The following DMD variants were observed in gnomAD, a reference collection of about 807,000 sequenced individuals.
DMD encodes mutant dystrophin.
DMD carries 63 observed loss-of-function variants against 330.1 expected under a neutral mutation model. That is an observed-to-expected ratio of 0.19 (90% CI 0.16 to 0.24). The LOEUF is 0.24. Among genes scored for constraint, DMD ranks in the 10% least tolerant of loss-of-function variants. The probability of loss-of-function intolerance (pLI) is 1.00; values close to 1 mark genes in which losing one functional copy is unlikely to be tolerated. For missense variants in DMD, 3,344 were observed against 2,684.1 expected (o/e 1.25, Z -5.43); for synonymous variants, 1,223 against 959.8 (o/e 1.27, Z -5.07).
intron 2 of DMD, among the ~76,000 whole-genome samples, chrX:32,915,264 G>A (rs1013862294): frequency 3.6e-5 from 4 of 111,235 alleles, no homozygotes; most frequent in African/African-American, 9.8e-5. Flanking sequence ...TGAGTGGCAC[G>A]AATGCAAGAT....
At position 32,971,486 on chromosome X, in the gene DMD, T is replaced by G. The variant is rs191555734; in HGVS notation, c.93+48653A>C. Among the ~76,000 whole-genome samples the G allele has an allele frequency of 4.4e-4, 49 of 111,331 alleles. No homozygotes were observed. The East Asian group carries it at 0.014, about 31-fold the overall frequency. ...AACCCTTATGGAGTAAAAATAACTT[T>G]ATAGTTTATTGCTGAATGATTTACA... On this transcript the variant is annotated intron_variant, in intron 2 of 78. Transcript: ENST00000357033.
intron 44 of DMD, among the ~76,000 whole-genome samples, chrX:32,076,549 T>A (rs1260360656): frequency 9.2e-6 from 1 of 109,028 alleles, no homozygotes; most frequent in Non-Finnish European, 1.9e-5. Flanking sequence ...CCGGCTAATT[T>A]TTTATATTTT....
chrX:31,360,251 T>C (rs960625222), intron 60 of DMD, among the ~76,000 whole-genome samples: 27 of 111,534 alleles, frequency 2.4e-4, no homozygotes, highest in Admixed American at 1.9e-4. Context: ...TATTTTAAAA[T>C]TGTATTTCTT....
chrX:32,791,811 C>A (rs1249705369), intron 7 of DMD, among the ~76,000 whole-genome samples: 1 of 111,488 alleles, frequency 9.0e-6, no homozygotes, highest in Non-Finnish European at 1.9e-5. Context: ...GTTTAGAAAC[C>A]CTATTTAACA....
chrX:32,078,253 C>T (rs866878792), intron 44 of DMD, among the ~76,000 whole-genome samples: 1 of 111,886 alleles, frequency 8.9e-6, no homozygotes, highest in African/African-American at 3.3e-5. Context: ...AAAGAGTTAA[C>T]ACTGATTTAT....
intron 59 of DMD, among the ~76,000 whole-genome samples, chrX:31,468,030 C>A (rs7067017): frequency 0.12 from 13,075 of 110,767 alleles, 633 homozygotes; most frequent in East Asian, 0.24. Context: ...ATCATTTTTT[C>A]TTGTGTCTGT....
chrX:32,964,936 G>A (rs951129126), intron 2 of DMD, among the ~76,000 whole-genome samples: 5 of 111,683 alleles, frequency 4.5e-5, no homozygotes, highest in African/African-American at 1.6e-4. Context: ...AAATCAAACT[G>A]ACTACAAGTA....
At chrX:31,822,653 G>GGGGTGT (rs58903799) in intron 49 of DMD, among the ~76,000 whole-genome samples, 7 of 65,809 alleles carry the variant, frequency 1.1e-4, no homozygotes, top group Non-Finnish European at 1.9e-4. Context: ...AAGGCAGAGG[G>GGGGTGT]GTGTGTGTGT....
intron 47 of DMD, among the ~76,000 whole-genome samples, chrX:31,928,715 A>G (rs1170238808): frequency 8.9e-6 from 1 of 112,056 alleles, no homozygotes; most frequent in East Asian, 2.8e-4. Flanking sequence ...TTTTTATGTT[A>G]TATATTTTAT....
intron 2 of DMD, among the ~76,000 whole-genome samples, chrX:32,870,633 C>G (rs150892117): frequency 0.01 from 1,145 of 110,734 alleles, 17 homozygotes; most frequent in African/African-American, 0.036. Flanking sequence ...AATACCCAAC[C>G]AACTGATGTT....
At position 31,663,208 on chromosome X, in the gene DMD, C is replaced by T. The variant is rs574598505; in HGVS notation, c.7873-5064G>A. 2.3e-3 allele frequency among the ~76,000 whole-genome samples: 261 copies of T among 111,905 alleles called. 1 individual carries two copies. Among genetic ancestry groups the T allele is most frequent in the African/African-American group, 7.9e-3 (243 of 30,817 alleles). ...TCCTTTGTCTCCGTTTCCCACTGGA[C>T]GGCTGCTCCCTCTGTAATTCCATTA... On this transcript the variant is annotated intron_variant, in intron 53 of 78. Coordinates refer to ENST00000357033, the MANE Select transcript of DMD (RefSeq NM_004006.3).
chrX:31,594,618 A>G (rs2077029435), intron 55 of DMD, among the ~76,000 whole-genome samples: 1 of 111,510 alleles, frequency 9.0e-6, no homozygotes, highest in Admixed American at 9.5e-5. Context: ...AAATCTTCCA[A>G]TAGATTTCCA....
At chrX:32,503,729 T>C (rs1271050439) in intron 18 of DMD, among the ~76,000 whole-genome samples, 2 of 110,606 alleles carry the variant, frequency 1.8e-5, no homozygotes, top group African/African-American at 6.6e-5. Flanking sequence ...CTAATTTTTG[T>C]ATTTTTAGTA....
At chrX:31,705,962 G>A (rs1603449821) in intron 52 of DMD, among the ~76,000 whole-genome samples, 1 of 111,385 alleles carries the variant, frequency 9.0e-6, no homozygotes, top group East Asian at 2.8e-4. Flanking sequence ...TTCAGGAAAG[G>A]TTATATTATT....
chrX:32,105,148 C>T (rs2096558547), intron 44 of DMD, among the ~76,000 whole-genome samples: 1 of 111,757 alleles, frequency 8.9e-6, no homozygotes, highest in Non-Finnish European at 1.9e-5. Flanking sequence ...CAGTGTCCAC[C>T]TTTCATCATA....
At chrX:32,442,237 A>G (rs1316482060) in intron 27 of DMD, among the ~76,000 whole-genome samples, 3 of 110,963 alleles carry the variant, frequency 2.7e-5, no homozygotes, top group Admixed American at 9.7e-5. Flanking sequence ...CCATCAAGTA[A>G]TTGAAAAACA....
At chrX:32,454,453 A>C (rs2148346216) in intron 26 of DMD, among the ~76,000 whole-genome samples, 1 of 110,899 alleles carries the variant, frequency 9.0e-6, no homozygotes, top group African/African-American at 3.3e-5. Flanking sequence ...AATTTTCATA[A>C]TTGACCACAA....
At chrX:33,038,722 G>A (rs780036731) in intron 1 of DMD, among the ~76,000 whole-genome samples, 50 of 112,176 alleles carry the variant, frequency 4.5e-4, no homozygotes, top group Non-Finnish European at 9.0e-4. Context: ...GGCTGGGCAC[G>A]GTGACTCACA....
chrX:32,830,046 A>T (rs2079036751), intron 4 of DMD, among the ~76,000 whole-genome samples: 1 of 111,727 alleles, frequency 9.0e-6, no homozygotes, highest in Admixed American at 9.5e-5. Context: ...ATGCTAATTG[A>T]TAACCATGAA....
Sources: gnomAD v4.1 joint callset for allele counts (sites outside exome capture counted in the v4.1 genomes callset) on GRCh38, gnomAD v4.1.1 for gene constraint, MANE v1.5 for transcripts, NCBI Gene and HGNC (gene_info 2026-07-23, HGNC 2026-07-21) for gene names.